The following OR56A3 variants were observed in gnomAD, a reference collection of about 807,000 sequenced individuals.
OR56A3 encodes the protein olfactory receptor 56A3.
In OR56A3, 23 loss-of-function variants were observed where a neutral mutation model predicts 17.5. The ratio of observed to expected loss-of-function variants is 1.32; its 90% CI spans 0.95 to 1.87. OR56A3 has a LOEUF of 1.87. Among genes scored for constraint, OR56A3 ranks in the 40% most tolerant of loss-of-function variants. OR56A3 has a pLI of 0.00. For synonymous variants in OR56A3, 175 were observed against 150.6 expected, an observed-to-expected ratio of 1.16 and a Z score of -1.19; for missense variants, 366 against 380.1, an observed-to-expected ratio of 0.96 and a Z score of 0.31.
the OR56A3 span, among the ~76,000 whole-genome samples, chr11:5,979,272 G>A: frequency 6.6e-6 from 1 of 152,000 alleles, no homozygotes; most frequent in East Asian, 1.9e-4. Context: ...TCAATTATTT[G>A]GAATAGTTTC....
chr11:6,020,015 A>G, the OR56A3 span: 2 of 152,082 alleles, frequency 1.3e-5, no homozygotes, highest in African/African-American at 4.8e-5. Context: ...ATCCTGGTAA[A>G]TGTAAGAGCT....
At chr11:5,986,130 C>A in the OR56A3 span, 1 of 1,613,884 alleles carries the variant, frequency 6.2e-7, no homozygotes, top group Non-Finnish European at 8.5e-7. Flanking sequence ...CATAGAAGAC[C>A]AGGATGACAC....
In OR56A3 at chr11:5,945,601, A is replaced by AAAG. The variant is rs1194101404; in HGVS notation, c.-37+521_-37+522insGAA. Reference sequence around the variant, plus strand: ...ATATAAAAAAAAAAAAAAAAAAAAAAAATTATTTCTTGGGTCTGAAGGAAC... The same window carrying AAAG: ...ATATAAAAAAAAAAAAAAAAAAAAAAAAGAATTATTTCTTGGGTCTGAAGGAAC... On this transcript the variant is annotated intron_variant, in intron 2 of 2. Transcript: ENST00000641160. Among the ~76,000 whole-genome samples the AAAG allele has an allele frequency of 9.7e-3, 1,336 of 137,172 alleles. 51 individuals are homozygous for AAAG. The highest frequency in any genetic ancestry group is 0.036 in the African/African-American group (1,265 of 34,774). 90.0% of individuals were successfully genotyped at this position (137,172 alleles called of 152,430 possible).
chr11:5,963,624 C>T, the OR56A3 span, among the ~76,000 whole-genome samples: 4 of 151,992 alleles, frequency 2.6e-5, no homozygotes, highest in African/African-American at 9.7e-5. Context: ...CTTTCAAGAT[C>T]CCCTTTTTGT....
chr11:5,991,844 T>C, the OR56A3 span, among the ~76,000 whole-genome samples: 19 of 152,132 alleles, frequency 1.2e-4, no homozygotes, highest in African/African-American at 4.6e-4. Flanking sequence ...AGCAGGATAT[T>C]ATTACCAATT....
the OR56A3 span, among the ~76,000 whole-genome samples, chr11:5,959,903 G>A: frequency 8.5e-5 from 13 of 152,048 alleles, no homozygotes; most frequent in African/African-American, 2.2e-4. Flanking sequence ...CAGTTTTTCC[G>A]ATACTATTTA....
chr11:5,964,945 A>G, the OR56A3 span, among the ~76,000 whole-genome samples: 172 of 152,178 alleles, frequency 1.1e-3, no homozygotes, highest in African/African-American at 4.0e-3. Context: ...ACCTTCTTCA[A>G]TGTGTCTTTT....
chr11:6,004,484 G>C, the OR56A3 span, among the ~76,000 whole-genome samples: 1 of 152,234 alleles, frequency 6.6e-6, no homozygotes, highest in Non-Finnish European at 1.5e-5. Context: ...GAAGATATTA[G>C]AAGACTTTAG....
downstream of OR56A3, among the ~76,000 whole-genome samples, chr11:5,954,058 A>T (rs1012888573): frequency 3.3e-5 from 5 of 152,278 alleles, no homozygotes; most frequent in African/African-American, 1.2e-4. Flanking sequence ...GGATTTTGGA[A>T]CCTGTGCTAT....
At chr11:6,021,668 G>A in the OR56A3 span, 3 of 151,580 alleles carry the variant, frequency 2.0e-5, no homozygotes, top group Middle Eastern at 3.4e-3. Context: ...CATTAATAAA[G>A]GCACATTTAG....
the OR56A3 span, among the ~76,000 whole-genome samples, chr11:5,997,675 T>C: frequency 6.6e-6 from 1 of 152,200 alleles, no homozygotes; most frequent in Non-Finnish European, 1.5e-5. Context: ...TAAAATCTTA[T>C]ATACTTGAAA....
At chr11:5,998,560 C>G in the OR56A3 span, among the ~76,000 whole-genome samples, 2 of 152,138 alleles carry the variant, frequency 1.3e-5, no homozygotes, top group South Asian at 4.1e-4. Flanking sequence ...GAGTAATAAC[C>G]GACCAGTTTT....
the OR56A3 span, among the ~76,000 whole-genome samples, chr11:5,992,941 A>G: frequency 6.6e-6 from 1 of 152,196 alleles, no homozygotes; most frequent in Admixed American, 6.5e-5. Flanking sequence ...ATGTTCATAA[A>G]TATCTATATG....
At chr11:5,962,532 T>C in the OR56A3 span, among the ~76,000 whole-genome samples, 2 of 77,888 alleles carry the variant, frequency 2.6e-5, no homozygotes, top group East Asian at 6.9e-4. Context: ...TGGGCTTTTC[T>C]TTTTTTTTTT....
chr11:6,011,406 C>A, the OR56A3 span, among the ~76,000 whole-genome samples: 1 of 151,926 alleles, frequency 6.6e-6, no homozygotes, highest in Non-Finnish European at 1.5e-5. Flanking sequence ...CATTTTAAAC[C>A]CTTGTTAGCT....
chr11:5,955,540 A>G (rs1283191150), downstream of OR56A3, among the ~76,000 whole-genome samples: 1 of 152,150 alleles, frequency 6.6e-6, no homozygotes, highest in Non-Finnish European at 1.5e-5. Flanking sequence ...GAAGTAAAGT[A>G]CACTTGGAAG....
the OR56A3 span, chr11:5,967,754 G>A: frequency 6.2e-7 from 1 of 1,605,522 alleles, no homozygotes; most frequent in South Asian, 1.1e-5. Context: ...TGAGGATGAA[G>A]TGGGAACCAC....
At chr11:6,004,549 T>G in the OR56A3 span, among the ~76,000 whole-genome samples, 1 of 152,226 alleles carries the variant, frequency 6.6e-6, no homozygotes, top group Non-Finnish European at 1.5e-5. Context: ...TCACCTTGAA[T>G]ATTCCAGACT....
At chr11:6,002,888 G>A in the OR56A3 span, 30 of 1,613,988 alleles carry the variant, frequency 1.9e-5, no homozygotes, top group Non-Finnish European at 2.1e-5. Context: ...GGAAGAGAAG[G>A]CTGAGGGGCA....
Sources: gnomAD v4.1 joint callset for allele counts (sites outside exome capture counted in the v4.1 genomes callset) on GRCh38, gnomAD v4.1.1 for gene constraint, MANE v1.5 for transcripts, NCBI Gene and HGNC (gene_info 2026-07-23, HGNC 2026-07-21) for gene names.